The following TASP1 variants were observed in gnomAD, a reference collection of about 807,000 sequenced individuals.
TASP1 encodes threonine aspartase 1.
Under a neutral mutation model 56.6 loss-of-function variants are expected in TASP1, and 16 were observed. That is an observed-to-expected ratio of 0.28 (90% confidence interval 0.19 to 0.43). The LOEUF (loss-of-function observed/expected upper bound fraction) is 0.43, where lower values mean the gene tolerates loss of function less well. Among genes scored for constraint, TASP1 ranks in the 20% least tolerant of loss-of-function variants. The pLI is 1.00. For missense variants in TASP1, 393 were observed against 511.6 expected, an observed-to-expected ratio of 0.77 and a Z score of 2.24; for synonymous variants, 179 against 184.2, an observed-to-expected ratio of 0.97 and a Z score of 0.23.
Position 13,527,339 on chromosome 20 carries a change from T to C in TASP1, c.874+1094A>G, listed in dbSNP as rs574475017. The stretch of plus-strand genomic sequence containing the variant: ...GGGCAGAAACCAATGTGATAAGAAA[T>C]TGGAGAGAGAAAGGTAGGAAAGGAA... On this transcript the variant is annotated intron_variant, in intron 10 of 13. Coordinates refer to ENST00000337743, the MANE Select transcript of TASP1 (RefSeq NM_017714.3). Among the ~76,000 whole-genome samples, 3 of 152,032 alleles carry C rather than the reference T, an allele frequency of 2.0e-5. No homozygotes were observed. In the East Asian group the frequency reaches 5.8e-4, roughly 29 times the overall value.
At chr20:13,471,208 T>C (rs1378057003) in intron 11 of TASP1, among the ~76,000 whole-genome samples, 1 of 152,118 alleles carries the variant, frequency 6.6e-6, no homozygotes, top group Non-Finnish European at 1.5e-5. Context: ...AGGGAAAGCT[T>C]CTTTGAGAAA....
chr20:13,402,095 C>CTT, intron 13 of TASP1, among the ~76,000 whole-genome samples: 1 of 152,296 alleles, frequency 6.6e-6, no homozygotes, highest in South Asian at 2.1e-4. Flanking sequence ...AGATCTTACC[C>CTT]TACACCATGA....
the TASP1 span, among the ~76,000 whole-genome samples, chr20:13,204,882 G>A: frequency 6.6e-6 from 1 of 152,118 alleles, no homozygotes; most frequent in Non-Finnish European, 1.5e-5. Context: ...ACAGACCACG[G>A]TGGAAATTGT....
At chr20:13,175,790 G>T in the TASP1 span, among the ~76,000 whole-genome samples, 1 of 152,192 alleles carries the variant, frequency 6.6e-6, no homozygotes, top group Non-Finnish European at 1.5e-5. Context: ...GTTCCCCACT[G>T]AGATTCTACA....
chr20:13,237,336 A>T, the TASP1 span, among the ~76,000 whole-genome samples: 2 of 152,182 alleles, frequency 1.3e-5, no homozygotes, highest in Non-Finnish European at 2.9e-5. Flanking sequence ...CCTTGAAACA[A>T]CCCCAATGCC....
intron 8 of TASP1, among the ~76,000 whole-genome samples, chr20:13,550,163 CACACACACACACACACACACACAG>C (rs957799607): frequency 2.0e-5 from 3 of 148,230 alleles, no homozygotes; most frequent in African/African-American, 7.8e-5. Context: ...CACACACACA[CACACACACACACACACACACACAG>C]AGACACTGCA....
chr20:13,181,531 G>A, the TASP1 span, among the ~76,000 whole-genome samples: 2 of 152,172 alleles, frequency 1.3e-5, no homozygotes, highest in Non-Finnish European at 2.9e-5. Flanking sequence ...CAGTAACTAT[G>A]ATAAAGTTAT....
the TASP1 span, among the ~76,000 whole-genome samples, chr20:13,210,667 C>G: frequency 6.7e-6 from 1 of 148,176 alleles, no homozygotes; most frequent in South Asian, 2.1e-4. Context: ...AAGAACTATA[C>G]CAGAGGTAAA....
intron 4 of TASP1, among the ~76,000 whole-genome samples, chr20:13,589,193 G>A (rs2147270013): frequency 1.3e-5 from 2 of 151,734 alleles, no homozygotes; most frequent in South Asian, 4.2e-4. Context: ...GAGTAGGTGG[G>A]ACTACAGCCA....
At chr20:13,214,376 C>T in the TASP1 span, among the ~76,000 whole-genome samples, 14 of 152,168 alleles carry the variant, frequency 9.2e-5, no homozygotes, top group East Asian at 1.9e-3. Flanking sequence ...TATGTGTCTG[C>T]GATGAACTGT....
At chr20:13,392,640 C>CAGCCGCATCTTCTCATGCAGTGCT (rs1363286782) in intron 13 of TASP1, 3 of 412,678 alleles carry the variant, frequency 7.3e-6, no homozygotes, top group African/African-American at 6.2e-5. Context: ...ATTCAAGAGA[C>CAGCCGCATCTTCTCATGCAGTGCT]AGCCGCATCT....
chr20:13,453,452 G>A (rs1379176442), intron 11 of TASP1, among the ~76,000 whole-genome samples: 1 of 152,052 alleles, frequency 6.6e-6, no homozygotes, highest in Non-Finnish European at 1.5e-5. Flanking sequence ...TGATTTTTAG[G>A]TGTTTCAAAA....
At chr20:13,578,818 TC>T (rs1568606336) in intron 6 of TASP1, among the ~76,000 whole-genome samples, 1 of 152,230 alleles carries the variant, frequency 6.6e-6, no homozygotes, top group Admixed American at 6.5e-5. Context: ...TTTATCCATA[TC>T]TACATCAACC....
At chr20:13,372,335 C>T in the TASP1 span, among the ~76,000 whole-genome samples, 1 of 152,278 alleles carries the variant, frequency 6.6e-6, no homozygotes, top group Middle Eastern at 3.4e-3. Context: ...CTTCAGACAT[C>T]ATTGGCACTA....
intron 11 of TASP1, among the ~76,000 whole-genome samples, chr20:13,446,181 C>A (rs1027764258): frequency 1.3e-5 from 2 of 152,046 alleles, no homozygotes; most frequent in African/African-American, 4.8e-5. Flanking sequence ...GAGAAAAACT[C>A]CAGCAAGTAA....
chr20:13,153,947 CT>C, the TASP1 span: 48 of 1,598,922 alleles, frequency 3.0e-5, no homozygotes, highest in Non-Finnish European at 4.0e-5. Flanking sequence ...TTGACCGGAC[CT>C]TTACTTCCCT....
intron 11 of TASP1, among the ~76,000 whole-genome samples, chr20:13,466,342 C>T (rs1211885142): frequency 6.6e-6 from 1 of 152,140 alleles, no homozygotes; most frequent in Non-Finnish European, 1.5e-5. Flanking sequence ...CAAAATAAGA[C>T]TTGCACGCCT....
At chr20:13,460,817 C>A (rs1191198442) in intron 11 of TASP1, among the ~76,000 whole-genome samples, 1 of 152,180 alleles carries the variant, frequency 6.6e-6, no homozygotes, top group Non-Finnish European at 1.5e-5. Context: ...CCACTACTAT[C>A]TCTTAACTGA....
At position 13,495,983 on chromosome 20, in the gene TASP1, C is replaced by T. The variant is rs531057568; in HGVS notation, c.875-12646G>A. On this transcript the variant is annotated intron_variant, in intron 10 of 13. Coordinates refer to ENST00000337743, the MANE Select transcript of TASP1 (RefSeq NM_017714.3). ...AATCCCAAATTAAGAAACCACATGG[C>T]TATAATTTTATTTAAAAATCTATAA... is the stretch of plus-strand genomic sequence containing the variant. Among the ~76,000 whole-genome samples, 9 of 152,200 alleles carry T rather than the reference C, an allele frequency of 5.9e-5. No individual in the cohort carries two copies. In the South Asian group the frequency reaches 1.9e-3, roughly 32 times the overall value.
Sources: gnomAD v4.1 joint callset for allele counts (sites outside exome capture counted in the v4.1 genomes callset) on GRCh38, gnomAD v4.1.1 for gene constraint, MANE v1.5 for transcripts, NCBI Gene and HGNC (gene_info 2026-07-23, HGNC 2026-07-21) for gene names.